SPIRE1: variants seen among roughly 807,000 people sequenced by gnomAD.
The protein encoded by SPIRE1 is spire type actin nucleation factor 1, also known as protein spire homolog 1.
SPIRE1 carries 40 observed loss-of-function variants against 94.1 expected under a neutral mutation model. The ratio of observed to expected loss-of-function variants is 0.43; its 90% CI spans 0.33 to 0.55. The LOEUF is 0.55. SPIRE1 is among the 20% of genes least tolerant of loss of function. SPIRE1 has a pLI of 0.06. For missense variants in SPIRE1, 838 were observed against 975.2 expected (o/e 0.86, Z 1.87); for synonymous variants, 376 against 371.7 (o/e 1.01, Z -0.13).
upstream of SPIRE1, chr18:12,658,149 C>T: frequency 2.1e-6 from 2 of 966,138 alleles, no homozygotes; most frequent in Non-Finnish European, 2.5e-6. Context: ...CCGTCCAGCG[C>T]CGCCCAGCGC....
Position 12,449,848 on chromosome 18 carries a change from C to T in SPIRE1, c.2061G>A (p.Gln687=). 1 of 1,614,138 alleles carries T rather than the reference C, an allele frequency of 6.2e-7. No individual in the cohort carries two copies. Among genetic ancestry groups the T allele is most frequent in the Non-Finnish European group, 8.5e-7 (1 of 1,180,024 alleles). Residue 687 remains glutamine (Q), a synonymous_variant, in exon 17 of 17, where the codon CAG becomes CAA. Coordinates refer to ENST00000409402, the MANE Select transcript of SPIRE1 (RefSeq NM_001128626.2). ...KSMDKSDEEL[Q]FPKELMEDWS... Reference sequence around the variant, plus strand: ...AGTCCTCCATCAACTCTTTGGGAAACTGGAGTTCTTCATCTGATTTGTCCA... The same window carrying T: ...AGTCCTCCATCAACTCTTTGGGAAATTGGAGTTCTTCATCTGATTTGTCCA...
chr18:12,492,928 G>A, intron 8 of SPIRE1, 144 bp downstream of exon 8: 1 of 897,630 alleles, frequency 1.1e-6, no homozygotes, highest in Non-Finnish European at 1.6e-6. Context: ...GTATGTATAC[G>A]AGAGAGTGAG....
At chr18:12,515,376 T>C (rs954936089) in intron 4 of SPIRE1, among the ~76,000 whole-genome samples, 4 of 151,716 alleles carry the variant, frequency 2.6e-5, no homozygotes, top group African/African-American at 9.7e-5. Context: ...ATTAGCCGGG[T>C]GTGGTGGCGC....
intron 2 of SPIRE1, among the ~76,000 whole-genome samples, chr18:12,599,527 G>A (rs1260818858): frequency 6.6e-6 from 1 of 152,174 alleles, no homozygotes; most frequent in Non-Finnish European, 1.5e-5. Context: ...ACCTCCCAAA[G>A]TGCTGGGATT....
chr18:12,464,164 G>T (rs1751674565), intron 11 of SPIRE1, among the ~76,000 whole-genome samples: 1 of 152,202 alleles, frequency 6.6e-6, no homozygotes, highest in Non-Finnish European at 1.5e-5. Context: ...CCCACCATGA[G>T]AAACCACTAA....
At chr18:12,653,119 C>CA (rs2038428590) in intron 1 of SPIRE1, 2 of 152,336 alleles carry the variant, frequency 1.3e-5, no homozygotes, top group Admixed American at 1.3e-4. Context: ...TGGCAATGGA[C>CA]AGAGACTTTT....
intron 12 of SPIRE1, among the ~76,000 whole-genome samples, chr18:12,457,537 A>G (rs2031569926): frequency 6.6e-6 from 1 of 152,184 alleles, no homozygotes; most frequent in South Asian, 2.1e-4. Flanking sequence ...GTGGCCGGGT[A>G]AAGAACCACA....
intron 4 of SPIRE1, among the ~76,000 whole-genome samples, chr18:12,522,238 C>A (rs1441241978): frequency 6.6e-6 from 1 of 152,192 alleles, no homozygotes; most frequent in Non-Finnish European, 1.5e-5. Context: ...AGCCTTAATT[C>A]CTGGTATAAA....
intron 1 of SPIRE1, among the ~76,000 whole-genome samples, chr18:12,635,868 G>C (rs1023995071): frequency 6.6e-6 from 1 of 151,072 alleles, no homozygotes; most frequent in Non-Finnish European, 1.5e-5. Context: ...CTGCGTACTA[G>C]AAAATTGGGT....
At chr18:12,570,655 A>G (rs1012034307) in intron 2 of SPIRE1, among the ~76,000 whole-genome samples, 1 of 152,216 alleles carries the variant, frequency 6.6e-6, no homozygotes, top group African/African-American at 2.4e-5. Flanking sequence ...CAGTTAATAT[A>G]TAACAAAGCC....
chr18:12,457,910 T>C (rs2031597163), intron 12 of SPIRE1, among the ~76,000 whole-genome samples: 1 of 150,704 alleles, frequency 6.6e-6, no homozygotes, highest in Non-Finnish European at 1.5e-5. Flanking sequence ...AGTGGTGCGA[T>C]CTCAGCTCAC....
chr18:12,504,333 C>A (rs967473485), intron 6 of SPIRE1, among the ~76,000 whole-genome samples: 1 of 145,436 alleles, frequency 6.9e-6, no homozygotes, highest in Non-Finnish European at 1.5e-5. Flanking sequence ...ATGGTGAAGC[C>A]CTGTCTCTAC....
chr18:12,511,269 C>T (rs754952203), intron 5 of SPIRE1, among the ~76,000 whole-genome samples: 7 of 152,182 alleles, frequency 4.6e-5, no homozygotes, highest in South Asian at 2.1e-4. Flanking sequence ...AGGAAGTGAG[C>T]GGCACAGCAA....
At chr18:12,641,736 AG>A (rs1225696101) in intron 1 of SPIRE1, among the ~76,000 whole-genome samples, 1 of 152,166 alleles carries the variant, frequency 6.6e-6, no homozygotes, top group African/African-American at 2.4e-5. Context: ...TTCAAAAGTT[AG>A]GACAGTGAAA....
intron 1 of SPIRE1, chr18:12,653,177 A>C (rs1461660952): frequency 6.6e-6 from 1 of 152,262 alleles, no homozygotes; most frequent in Non-Finnish European, 1.5e-5. Context: ...CCAGTGTTAG[A>C]GATCAGATCA....
chr18:12,622,421 CTTTTTT>C (rs71371281), intron 2 of SPIRE1, among the ~76,000 whole-genome samples: 1 of 114,810 alleles, frequency 8.7e-6, no homozygotes, highest in African/African-American at 3.1e-5. Flanking sequence ...TATGTCCAGT[CTTTTTT>C]TTTTTTTTTT....
chr18:12,485,137 C>A (rs2032990318), intron 9 of SPIRE1, among the ~76,000 whole-genome samples: 1 of 145,212 alleles, frequency 6.9e-6, no homozygotes, highest in East Asian at 2.0e-4. Context: ...CTGAGTCTCG[C>A]TCTGTTGCCC....
intron 4 of SPIRE1, among the ~76,000 whole-genome samples, chr18:12,530,608 G>A (rs966628465): frequency 1.3e-5 from 2 of 152,066 alleles, no homozygotes; most frequent in Non-Finnish European, 2.9e-5. Flanking sequence ...GCCACTGAGC[G>A]CCAGGCCTTC....
chr18:12,449,290 C>G lies in SPIRE1; in HGVS notation c.*348G>C. ...TCGGCATCTCTGTTAGACTGATTCT[C>G]GTAGGAGAAGCTTTTTTTTTTTGCC... On this transcript the variant is annotated 3_prime_UTR_variant, in exon 17 of 17. Coordinates refer to ENST00000409402, the MANE Select transcript of SPIRE1 (RefSeq NM_001128626.2). 1 of 278,922 alleles carries G rather than the reference C, an allele frequency of 3.6e-6. No individual in the cohort carries two copies. The allele number at this position is 278,922 out of a possible 1,614,324, so 17.3% of individuals were successfully genotyped here. A position where few individuals can be genotyped will look rare whatever the true frequency, so the allele number is the denominator to read the frequency against.
Sources: allele counts gnomAD v4.1 joint callset (sites outside exome capture counted in the v4.1 genomes callset), GRCh38; gene constraint gnomAD v4.1.1; transcripts MANE v1.5; gene names NCBI Gene and HGNC (gene_info 2026-07-23, HGNC 2026-07-21).